Variants in SEC22A observed in about 807,000 individuals in gnomAD.
SEC22A encodes vesicle-trafficking protein SEC22a.
A neutral mutation model predicts 35.3 loss-of-function variants in SEC22A; 22 were observed. That is an observed-to-expected ratio of 0.62 (90% CI 0.45 to 0.89). The LOEUF (loss-of-function observed/expected upper bound fraction) is 0.89, where lower values mean the gene tolerates loss of function less well. Among genes scored for constraint, SEC22A ranks in the 40% least tolerant of loss-of-function variants. The probability of loss-of-function intolerance (pLI) is 0.00; values close to 1 mark genes in which losing one functional copy is unlikely to be tolerated. For missense variants in SEC22A, 354 were observed against 362.5 expected, an observed-to-expected ratio of 0.98 and a Z score of 0.19; for synonymous variants, 119 against 129.5, an observed-to-expected ratio of 0.92 and a Z score of 0.55.
At chr3:123,269,800 T>C (rs1484821196) in intron 6 of SEC22A, among the ~76,000 whole-genome samples, 1 of 151,800 alleles carries the variant, frequency 6.6e-6, no homozygotes, top group Non-Finnish European at 1.5e-5. Context: ...ACCCGACTAA[T>C]TTTTTGTATT....
At chr3:123,234,381 C>G (rs192048088) in intron 4 of SEC22A, among the ~76,000 whole-genome samples, 3 of 152,200 alleles carry the variant, frequency 2.0e-5, no homozygotes, top group Admixed American at 2.0e-4. Flanking sequence ...TTATTACCAA[C>G]CTACAATTAT....
intron 4 of SEC22A, among the ~76,000 whole-genome samples, chr3:123,230,699 C>CAAAAAAAAAAAAAAAAAAA (rs376679473): frequency 2.1e-5 from 1 of 47,426 alleles, no homozygotes; most frequent in African/African-American, 8.1e-5. Context: ...TCACTTCATG[C>CAAAAAAAAAAAAAAAAAAA]AAAAAAAAAA....
rs1937047137 is a variant in SEC22A, at chr3:123,217,333, G to GACTACAGGTGCCCGCCACCACAC, written c.183-6225_183-6203dup. Among the ~76,000 whole-genome samples, 4 of 152,034 alleles carry GACTACAGGTGCCCGCCACCACAC rather than the reference G, an allele frequency of 2.6e-5. No homozygotes were observed. The South Asian group carries it at 8.3e-4, about 32-fold the overall frequency. ...CTGCCTCAGCCTCCTGAGTGGCTGG[G>GACTACAGGTGCCCGCCACCACAC]ACTACAGGTGCCCGCCACCACACCC... is the stretch of plus-strand genomic sequence containing the variant. On this transcript the variant is annotated intron_variant, in intron 2 of 6. Transcript: ENST00000492595.
rs1938234940 is a variant in SEC22A at position 123,273,948 on chromosome 3, GA to G, written c.*2228del. On this transcript the variant is annotated 3_prime_UTR_variant, in exon 7 of 7. Coordinates refer to ENST00000492595, the MANE Select transcript of SEC22A (RefSeq NM_012430.5). ...GTTCAGGAGCTACCTCCTTGTCATTGAATTGACGAGTTACAATGTTTGGTAT... is the reference window on the plus strand; with the variant it reads ...GTTCAGGAGCTACCTCCTTGTCATTGATTGACGAGTTACAATGTTTGGTAT... The G allele has an allele frequency of 6.6e-6, 1 of 152,198 alleles. No homozygotes were observed. The highest frequency in any genetic ancestry group is 1.5e-5 in the Non-Finnish European group (1 of 68,038). The allele number at this position is 152,198 out of a possible 1,614,324, so 9.4% of individuals were successfully genotyped here.
At chr3:123,202,889 C>A (rs978390163) in intron 1 of SEC22A, among the ~76,000 whole-genome samples, 6 of 152,174 alleles carry the variant, frequency 3.9e-5, no homozygotes, top group Non-Finnish European at 8.8e-5. Flanking sequence ...TATTTGCTTA[C>A]ATGCTAAGAT....
At chr3:123,234,770 C>T (rs572467486) in intron 4 of SEC22A, among the ~76,000 whole-genome samples, 1 of 152,116 alleles carries the variant, frequency 6.6e-6, no homozygotes, top group African/African-American at 2.4e-5. Context: ...CGCCTGTAAT[C>T]CCAGCACTTT....
intron 5 of SEC22A, among the ~76,000 whole-genome samples, chr3:123,253,966 T>C (rs967798237): frequency 2.0e-5 from 3 of 151,232 alleles, no homozygotes; most frequent in African/African-American, 7.3e-5. Flanking sequence ...AAAAAAGTTA[T>C]AAATAAATAA....
At chr3:123,219,317 C>A (rs1031633020) in intron 2 of SEC22A, among the ~76,000 whole-genome samples, 1 of 152,086 alleles carries the variant, frequency 6.6e-6, no homozygotes, top group African/African-American at 2.4e-5. Flanking sequence ...GGTTCCAAAA[C>A]TCAGAAGTTT....
intron 2 of SEC22A, among the ~76,000 whole-genome samples, chr3:123,210,383 T>A (rs1936922209): frequency 6.6e-6 from 1 of 152,192 alleles, no homozygotes; most frequent in Non-Finnish European, 1.5e-5. Context: ...AAAAGAAGAA[T>A]AATCACCTGT....
intron 1 of SEC22A, 46 bp downstream of exon 1, chr3:123,202,032 C>T (rs1161277935): frequency 6.5e-6 from 1 of 153,056 alleles, no homozygotes; most frequent in Admixed American, 6.5e-5. Flanking sequence ...TCTTAGGGGT[C>T]GTTCGAATCC....
Position 123,209,241 on chromosome 3 carries a change from A to G in SEC22A, c.24A>G (p.Ser8=). The change falls in exon 2 of 7, where the codon TCA becomes TCG. Residue 8 remains serine, a synonymous_variant. Coordinates refer to ENST00000492595, the MANE Select transcript of SEC22A (RefSeq NM_012430.5). ...AAATGTCTATGATTTTATCTGCCTC[A>G]GTCATTCGTGTCAGAGATGGACTGC... MSMILSA[S]VIRVRDGLPL... is the part of the protein sequence containing the mutation. 6.2e-7 allele frequency: 1 copy of G among 1,614,066 alleles called. No homozygotes were observed. The highest frequency in any genetic ancestry group is 8.5e-7 in the Non-Finnish European group (1 of 1,179,962).
At chr3:123,255,103 C>T (rs1302007490) in intron 5 of SEC22A, among the ~76,000 whole-genome samples, 1 of 152,194 alleles carries the variant, frequency 6.6e-6, no homozygotes, top group African/African-American at 2.4e-5. Context: ...CTCTCTGCCT[C>T]ATCTGTCATT....
chr3:123,264,256 G>C (rs900205134), intron 6 of SEC22A, among the ~76,000 whole-genome samples: 3 of 152,210 alleles, frequency 2.0e-5, no homozygotes, highest in African/African-American at 7.2e-5. Context: ...AATGTTGGCT[G>C]TTATAAAGCT....
chr3:123,208,066 G>A lies in SEC22A; in HGVS notation c.-19-1133G>A, dbSNP rs1208963977. On this transcript the variant is annotated intron_variant, in intron 1 of 6. Transcript: ENST00000492595. ...TAATTTGGCATCTTTTTCTGCATCC[G>A]TTTTTCAATCCCTTTTTCCTTCTCT... Among the ~76,000 whole-genome samples the A allele has an allele frequency of 4.6e-5, 7 of 152,128 alleles. No individual in the cohort carries two copies. In the Middle Eastern group the frequency reaches 0.017, roughly 370 times the overall value.
At chr3:123,210,323 G>C (rs952026283) in intron 2 of SEC22A, among the ~76,000 whole-genome samples, 1 of 152,130 alleles carries the variant, frequency 6.6e-6, no homozygotes, top group African/African-American at 2.4e-5. Flanking sequence ...CTATATTTTG[G>C]GATTAATACC....
chr3:123,205,855 C>G (rs749494241), intron 1 of SEC22A, among the ~76,000 whole-genome samples: 16 of 152,160 alleles, frequency 1.1e-4, no homozygotes, highest in Non-Finnish European at 2.2e-4. Flanking sequence ...ACTCTTCATT[C>G]CTGCTATCTG....
chr3:123,256,483 C>T (rs1435678743), intron 5 of SEC22A, among the ~76,000 whole-genome samples: 2 of 152,162 alleles, frequency 1.3e-5, no homozygotes, highest in South Asian at 2.1e-4. Flanking sequence ...ACACTGTACG[C>T]ACTACTTCCT....
chr3:123,219,263 A>G (rs1937083249), intron 2 of SEC22A, among the ~76,000 whole-genome samples: 1 of 152,156 alleles, frequency 6.6e-6, no homozygotes, highest in African/African-American at 2.4e-5. Context: ...GTACAAAATG[A>G]AGTGGAGTGT....
chr3:123,234,580 C>T (rs1441215623), intron 4 of SEC22A, among the ~76,000 whole-genome samples: 1 of 151,228 alleles, frequency 6.6e-6, no homozygotes, highest in East Asian at 1.9e-4. Context: ...GAAGTTGGAC[C>T]CCTACCTCAA....
Sources: gnomAD v4.1 joint callset for allele counts (sites outside exome capture counted in the v4.1 genomes callset) on GRCh38, gnomAD v4.1.1 for gene constraint, MANE v1.5 for transcripts, NCBI Gene and HGNC (gene_info 2026-07-23, HGNC 2026-07-21) for gene names.